The following VTI1A variants were observed in gnomAD, a reference collection of about 807,000 sequenced individuals.
VTI1A encodes vesicle transport through interaction with t-SNAREs homolog 1A.
Under a neutral mutation model 34.9 loss-of-function variants are expected in VTI1A, and 22 were observed. That is an observed-to-expected ratio of 0.63 (90% CI 0.45 to 0.90). The LOEUF is 0.90. Among genes scored for constraint, VTI1A ranks in the 40% least tolerant of loss-of-function variants. The pLI is 0.00. For missense variants in VTI1A, 268 were observed against 275.6 expected, an observed-to-expected ratio of 0.97 and a Z score of 0.20; for synonymous variants, 87 against 97.3, an observed-to-expected ratio of 0.89 and a Z score of 0.62.
Position 112,518,609 on chromosome 10 carries a change from A to G in VTI1A, c.265-8478A>G, listed in dbSNP as rs554749979. Among the ~76,000 whole-genome samples, 159 of 140,880 alleles carry G rather than the reference A, an allele frequency of 1.1e-3. 1 individual carries two copies. Among genetic ancestry groups the G allele is most frequent in the East Asian group, 4.3e-3 (20 of 4,648 alleles). The allele number at this position is 140,880 out of a possible 152,430, so 92.4% of individuals were successfully genotyped here. A position where few individuals can be genotyped will look rare whatever the true frequency, so the allele number is the denominator to read the frequency against. Reference sequence around the variant, plus strand: ...TCTCTCTATATATATATATATATATATATGTGTGTGTGTGTATGTGTATAT... The same window carrying G: ...TCTCTCTATATATATATATATATATGTATGTGTGTGTGTGTATGTGTATAT... On this transcript the variant is annotated intron_variant, in intron 3 of 7. Transcript: ENST00000393077.
At chr10:112,590,365 T>G (rs1844344330) in intron 5 of VTI1A, among the ~76,000 whole-genome samples, 1 of 152,138 alleles carries the variant, frequency 6.6e-6, no homozygotes, top group Non-Finnish European at 1.5e-5. Context: ...CCTCTCTATA[T>G]ATGTTTGTGT....
intron 7 of VTI1A, among the ~76,000 whole-genome samples, chr10:112,685,350 A>G (rs1467724842): frequency 6.6e-6 from 1 of 151,672 alleles, no homozygotes; most frequent in Non-Finnish European, 1.5e-5. Flanking sequence ...TTTTCTTCTC[A>G]TTTATCTCCA....
chr10:112,580,091 G>A (rs1031843630), intron 5 of VTI1A, among the ~76,000 whole-genome samples: 1 of 152,026 alleles, frequency 6.6e-6, no homozygotes, highest in African/African-American at 2.4e-5. Context: ...CATGTGTTGG[G>A]GCCTAGAGGT....
At chr10:112,503,406 G>T (rs1286351291) in intron 3 of VTI1A, among the ~76,000 whole-genome samples, 1 of 152,058 alleles carries the variant, frequency 6.6e-6, no homozygotes, top group Non-Finnish European at 1.5e-5. Flanking sequence ...ACATCATATA[G>T]AATGTACTTT....
chr10:112,765,622 G>A (rs1454442635), intron 7 of VTI1A, among the ~76,000 whole-genome samples: 1 of 152,170 alleles, frequency 6.6e-6, no homozygotes, highest in Admixed American at 6.5e-5. Context: ...TGAGCAAAAG[G>A]GACACAGTTT....
intron 3 of VTI1A, among the ~76,000 whole-genome samples, chr10:112,503,123 C>G (rs1849298825): frequency 6.6e-6 from 1 of 152,130 alleles, no homozygotes; most frequent in Admixed American, 6.5e-5. Context: ...TAGGAACATT[C>G]TAATTATTCT....
intron 3 of VTI1A, among the ~76,000 whole-genome samples, chr10:112,473,166 TG>T (rs1332987349): frequency 6.6e-6 from 1 of 151,038 alleles, no homozygotes; most frequent in Non-Finnish European, 1.5e-5. Context: ...TGGAGTGCAG[TG>T]GCATGATCTC....
chr10:112,678,217 T>C (rs900333053), intron 7 of VTI1A, among the ~76,000 whole-genome samples: 3 of 152,228 alleles, frequency 2.0e-5, no homozygotes, highest in Non-Finnish European at 2.9e-5. Flanking sequence ...TTTCCTTTTA[T>C]GATTTTCCTT....
chr10:112,501,480 A>T (rs1849232697), intron 3 of VTI1A, among the ~76,000 whole-genome samples: 1 of 152,228 alleles, frequency 6.6e-6, no homozygotes. Flanking sequence ...AAAATGAACA[A>T]AAAGAAAGAA....
chr10:112,737,688 A>G, intron 7 of VTI1A: 1 of 1,056,402 alleles, frequency 9.5e-7, no homozygotes, highest in African/African-American at 1.6e-5. Context: ...TGTGCGGATG[A>G]CTGTCAAGGT....
intron 5 of VTI1A, among the ~76,000 whole-genome samples, chr10:112,605,821 C>T (rs1183787775): frequency 6.6e-6 from 1 of 152,178 alleles, no homozygotes; most frequent in Non-Finnish European, 1.5e-5. Context: ...GGCACACACC[C>T]TGTCCCTAGA....
At position 112,691,122 on chromosome 10, in the gene VTI1A, A is replaced by G. The variant is rs370844400; in HGVS notation, c.560+22124A>G. ...AAAAATACAAAAAAATTAGCCAGGCATGGTGGTGTGTGCCTGTGCTCCCAG... is the reference window on the plus strand; with the variant it reads ...AAAAATACAAAAAAATTAGCCAGGCGTGGTGGTGTGTGCCTGTGCTCCCAG... On this transcript the variant is annotated intron_variant, in intron 7 of 7. Coordinates refer to ENST00000393077, the MANE Select transcript of VTI1A (RefSeq NM_145206.4). Among the ~76,000 whole-genome samples, 524 of 152,124 alleles carry G rather than the reference A, an allele frequency of 3.4e-3. 3 individuals carry two copies. Among genetic ancestry groups the G allele is most frequent in the African/African-American group, 0.012 (492 of 41,518 alleles).
chr10:112,690,870 A>AT (rs1406555629), intron 7 of VTI1A, among the ~76,000 whole-genome samples: 42 of 152,316 alleles, frequency 2.8e-4, no homozygotes, highest in African/African-American at 7.9e-4. Context: ...ACCTGCACAG[A>AT]TTCTTTTTAA....
intron 5 of VTI1A, among the ~76,000 whole-genome samples, chr10:112,635,882 T>C (rs1846336193): frequency 6.6e-6 from 1 of 152,180 alleles, no homozygotes; most frequent in Non-Finnish European, 1.5e-5. Context: ...ATTTAAGGGA[T>C]GAGTGAACTA....
intron 7 of VTI1A, among the ~76,000 whole-genome samples, chr10:112,757,205 A>AT (rs1326018765): frequency 6.6e-6 from 1 of 152,118 alleles, no homozygotes. Flanking sequence ...TCAGTCAAGC[A>AT]TAACTTCCAT....
intron 5 of VTI1A, chr10:112,548,881 T>TA (rs528343697): frequency 1.3e-5 from 17 of 1,322,424 alleles, no homozygotes; most frequent in Non-Finnish European, 1.7e-5. Flanking sequence ...AATCACTTTT[T>TA]AAAAAATCAT....
intron 7 of VTI1A, among the ~76,000 whole-genome samples, chr10:112,787,622 ATTC>A (rs1173223058): frequency 6.6e-6 from 1 of 151,052 alleles, no homozygotes; most frequent in Non-Finnish European, 1.5e-5. Context: ...TGATTCATGC[ATTC>A]TTTAGAAATG....
intron 5 of VTI1A, among the ~76,000 whole-genome samples, chr10:112,647,653 T>G (rs952747452): frequency 6.6e-6 from 1 of 152,234 alleles, no homozygotes; most frequent in African/African-American, 2.4e-5. Flanking sequence ...ACTAAAAGTA[T>G]GTTTTTCCGT....
intron 4 of VTI1A, among the ~76,000 whole-genome samples, chr10:112,527,822 C>T (rs1850289574): frequency 6.6e-6 from 1 of 152,028 alleles, no homozygotes; most frequent in Non-Finnish European, 1.5e-5. Context: ...TACAACTTGG[C>T]TGTCGGTTCT....
Sources: gnomAD v4.1 joint callset for allele counts (sites outside exome capture counted in the v4.1 genomes callset) on GRCh38, gnomAD v4.1.1 for gene constraint, MANE v1.5 for transcripts, NCBI Gene and HGNC (gene_info 2026-07-23, HGNC 2026-07-21) for gene names.